Variants in LPP observed in about 807,000 individuals in gnomAD.
LPP encodes lipoma-preferred partner.
A neutral mutation model predicts 60.4 loss-of-function variants in LPP; 38 were observed. The observed-to-expected ratio is 0.63, with a 90% CI of 0.49 to 0.83. The LOEUF (loss-of-function observed/expected upper bound fraction) is 0.83. Among genes scored for constraint, LPP ranks in the 40% least tolerant of loss-of-function variants. The probability of loss-of-function intolerance (pLI) is 0.00; values close to 1 mark genes in which losing one functional copy is unlikely to be tolerated. For synonymous variants in LPP, 328 were observed against 290.8 expected, an observed-to-expected ratio of 1.13 and a Z score of -1.30; for missense variants, 902 against 783.6, an observed-to-expected ratio of 1.15 and a Z score of -1.80.
intron 9 of LPP, 79 bp downstream of exon 9, chr3:188,760,361 T>G: frequency 6.9e-7 from 1 of 1,456,164 alleles, no homozygotes. Flanking sequence ...AGATAGAATA[T>G]AGCCATCAGA....
At chr3:188,622,272 C>G (rs1163845463) in intron 7 of LPP, among the ~76,000 whole-genome samples, 1 of 152,132 alleles carries the variant, frequency 6.6e-6, no homozygotes, top group Admixed American at 6.5e-5. Flanking sequence ...CTCCCCTTTT[C>G]AAGTTATAGC....
intron 7 of LPP, among the ~76,000 whole-genome samples, chr3:188,637,885 C>T (rs1358851278): frequency 6.6e-6 from 1 of 150,428 alleles, no homozygotes; most frequent in Non-Finnish European, 1.5e-5. Flanking sequence ...GCTTACCAAC[C>T]AAAAAGAGTC....
intron 2 of LPP, among the ~76,000 whole-genome samples, chr3:188,235,204 C>G (rs73057693): frequency 0.017 from 2,638 of 152,202 alleles, 71 homozygotes; most frequent in African/African-American, 0.058. Context: ...TGCTGTGGAA[C>G]GGGTGCAAAC....
chr3:188,693,035 C>A (rs371277683), intron 7 of LPP, among the ~76,000 whole-genome samples: 1 of 152,140 alleles, frequency 6.6e-6, no homozygotes, highest in African/African-American at 2.4e-5. Context: ...GATGCAGAAG[C>A]ATTTAGAGTT....
At chr3:188,356,822 G>A (rs767164735) in intron 3 of LPP, among the ~76,000 whole-genome samples, 4 of 152,052 alleles carry the variant, frequency 2.6e-5, no homozygotes, top group Admixed American at 6.5e-5. Flanking sequence ...CCAGATTTTC[G>A]GGTTGACAAA....
intron 4 of LPP, among the ~76,000 whole-genome samples, chr3:188,445,405 C>G (rs1335572385): frequency 6.6e-6 from 1 of 152,012 alleles, no homozygotes; most frequent in Non-Finnish European, 1.5e-5. Flanking sequence ...AACCAAACAC[C>G]GTATGTTCTC....
At chr3:188,411,881 T>C (rs1784968130) in intron 4 of LPP, among the ~76,000 whole-genome samples, 1 of 152,178 alleles carries the variant, frequency 6.6e-6, no homozygotes, top group Non-Finnish European at 1.5e-5. Context: ...ATCTTACTAA[T>C]ACACTCTGGG....
rs749622593 is a variant in LPP, at chr3:188,250,808, C to CTTTCTTTCTCTTTCTTTCTT, written c.-67+25282_-67+25283insTTCTTTCTCTTTCTTTCTTT. 7.6e-5 allele frequency among the ~76,000 whole-genome samples: 10 copies of CTTTCTTTCTCTTTCTTTCTT among 132,090 alleles called. No individual in the cohort carries two copies. The South Asian group carries it at 1.5e-3, about 20-fold the overall frequency. The allele number at this position is 132,090 out of a possible 152,430, so 86.7% of individuals were successfully genotyped here. ...TTTCTGTCTTTCTCTTTCTTTCTTT[C>CTTTCTTTCTCTTTCTTTCTT]TCTTTCTTTCTTTCTTTTTCTTTCT... On this transcript the variant is annotated intron_variant, in intron 2 of 11. Transcript: ENST00000617246.
In LPP at chr3:188,484,650, C is replaced by A; in HGVS notation, c.252C>A (p.Ile84=). The A allele has an allele frequency of 6.2e-7, 1 of 1,614,078 alleles. No homozygotes were observed. The change falls in exon 5 of 12, where the codon ATC becomes ATA. Residue 84 remains isoleucine, a synonymous_variant. Transcript: ENST00000617246. ...PLDDSSALPS[I]SGNFPPPPPL... ...ATGATTCCAGTGCCCTTCCATCTAT[C>A]TCTGGAAACTTTCCTCCTCCACCAC... is the stretch of plus-strand genomic sequence containing the variant.
chr3:188,543,237 A>AT (rs1825691757), intron 6 of LPP, among the ~76,000 whole-genome samples: 1 of 152,076 alleles, frequency 6.6e-6, no homozygotes, highest in Non-Finnish European at 1.5e-5. Context: ...AGAGGCTTTT[A>AT]TATTTTTAGT....
chr3:188,424,547 G>A (rs570889898), intron 4 of LPP, among the ~76,000 whole-genome samples: 5 of 152,134 alleles, frequency 3.3e-5, no homozygotes, highest in Non-Finnish European at 5.9e-5. Context: ...ACTTTGGGCA[G>A]TATGGCCATT....
chr3:188,868,419 A>G (rs1039386211), intron 10 of LPP, among the ~76,000 whole-genome samples: 1 of 152,204 alleles, frequency 6.6e-6, no homozygotes, highest in African/African-American at 2.4e-5. Flanking sequence ...AAAGCTCCCA[A>G]AAAGCAGACT....
At chr3:188,400,080 A>T (rs1446154296) in intron 3 of LPP, among the ~76,000 whole-genome samples, 1 of 151,514 alleles carries the variant, frequency 6.6e-6, no homozygotes, top group African/African-American at 2.4e-5. Flanking sequence ...TCTGTTGACT[A>T]TTGGCTTCAT....
At chr3:188,770,250 C>T (rs1186683162) in intron 9 of LPP, among the ~76,000 whole-genome samples, 1 of 142,702 alleles carries the variant, frequency 7.0e-6, no homozygotes, top group Non-Finnish European at 1.5e-5. Context: ...GCAATCTCGG[C>T]TCACCGCAAG....
chr3:188,539,982 A>T (rs775606756), intron 6 of LPP, among the ~76,000 whole-genome samples: 2 of 152,122 alleles, frequency 1.3e-5, no homozygotes, highest in Non-Finnish European at 2.9e-5. Context: ...TAAATTGATT[A>T]TTTCTGTGCC....
At chr3:188,244,721 T>TC (rs138627690) in intron 2 of LPP, among the ~76,000 whole-genome samples, 2,586 of 152,264 alleles carry the variant, frequency 0.017, 68 homozygotes, top group African/African-American at 0.056. Context: ...TACCCCTCTC[T>TC]CTCTGAGTAA....
chr3:188,568,368 T>G (rs1459103128), intron 6 of LPP: 1 of 151,974 alleles, frequency 6.6e-6, no homozygotes, highest in Non-Finnish European at 1.5e-5. Flanking sequence ...AGATATAATA[T>G]ACTTACCCTT....
intron 6 of LPP, chr3:188,562,324 A>G (rs1395855554): frequency 6.6e-6 from 1 of 152,008 alleles, no homozygotes; most frequent in Non-Finnish European, 1.5e-5. Context: ...TTCCTGCAGG[A>G]CGTGACTTTT....
Position 188,879,101 on chromosome 3 carries a change from A to G in LPP, c.*4622A>G, listed in dbSNP as rs1267768538. ...GCATTAATATGGTGCAACCATGAAT[A>G]TTTCAGGCCAAGTTATTCACTTGAC... On this transcript the variant is annotated 3_prime_UTR_variant, in exon 12 of 12. Coordinates refer to ENST00000617246, the MANE Select transcript of LPP (RefSeq NM_001375462.1). The G allele has an allele frequency of 4.4e-6, 1 of 228,434 alleles. No individual in the cohort carries two copies. The highest frequency in any genetic ancestry group is 8.7e-6 in the Non-Finnish European group (1 of 115,128). 14.2% of individuals were successfully genotyped at this position (228,434 alleles called of 1,614,324 possible). A position where few individuals can be genotyped will look rare whatever the true frequency, so the allele number is the denominator to read the frequency against.
Sources: allele counts gnomAD v4.1 joint callset (sites outside exome capture counted in the v4.1 genomes callset), GRCh38; gene constraint gnomAD v4.1.1; transcripts MANE v1.5; gene names NCBI Gene and HGNC (gene_info 2026-07-23, HGNC 2026-07-21).